Variants in ST7 observed in about 807,000 individuals in gnomAD.
ST7 encodes suppressor of tumorigenicity 7 protein.
Under a neutral mutation model 78.7 loss-of-function variants are expected in ST7, and 28 were observed. That is an observed-to-expected ratio of 0.36 (90% CI 0.26 to 0.49). The LOEUF (loss-of-function observed/expected upper bound fraction) is 0.49, where lower values mean the gene tolerates loss of function less well. ST7 is among the 20% of genes least tolerant of loss of function. The pLI, the probability that ST7 is intolerant of heterozygous loss-of-function variation, is 0.99. For missense variants in ST7, 418 were observed against 696.0 expected (o/e 0.60, Z 4.49); for synonymous variants, 247 against 249.6 (o/e 0.99, Z 0.10).
At chr7:117,214,310 A>T (rs1469902705) in intron 13 of ST7, among the ~76,000 whole-genome samples, 2 of 152,082 alleles carry the variant, frequency 1.3e-5, no homozygotes, top group Non-Finnish European at 2.9e-5. Context: ...CAAAGAATCC[A>T]CTAAATAATG....
At chr7:117,210,790 C>T (rs893250872) in intron 13 of ST7, among the ~76,000 whole-genome samples, 1 of 152,170 alleles carries the variant, frequency 6.6e-6, no homozygotes, top group Non-Finnish European at 1.5e-5. Context: ...AAAGTCAAGA[C>T]TATGAATTAT....
At chr7:117,071,557 A>G (rs1442471329) in intron 1 of ST7, among the ~76,000 whole-genome samples, 1 of 152,246 alleles carries the variant, frequency 6.6e-6, no homozygotes, top group East Asian at 1.9e-4. Flanking sequence ...TGCCAAAGTA[A>G]GATATTTGAT....
intron 1 of ST7, among the ~76,000 whole-genome samples, chr7:117,030,757 C>T (rs780666719): frequency 3.9e-5 from 6 of 152,094 alleles, no homozygotes; most frequent in Non-Finnish European, 8.8e-5. Flanking sequence ...ATTAGTTCAG[C>T]CATTGTGGAA....
intron 12 of ST7, among the ~76,000 whole-genome samples, chr7:117,209,358 G>GA (rs1792095586): frequency 6.6e-6 from 1 of 152,134 alleles, no homozygotes; most frequent in Admixed American, 6.5e-5. Flanking sequence ...CATGTGTATA[G>GA]AAAAAAATAA....
At chr7:117,020,663 G>T in intron 1 of ST7, 1 of 1,550,306 alleles carries the variant, frequency 6.5e-7, no homozygotes, top group Non-Finnish European at 8.7e-7. Context: ...CTGCTATTTA[G>T]AAATCTGCTT....
chr7:117,121,687 T>C (rs1803376746), intron 3 of ST7, among the ~76,000 whole-genome samples: 1 of 152,214 alleles, frequency 6.6e-6, no homozygotes, highest in Admixed American at 6.5e-5. Context: ...CTTAGATTTG[T>C]ATGTTTTCCT....
At chr7:117,115,357 T>A (rs1584702232) in intron 2 of ST7, among the ~76,000 whole-genome samples, 1 of 150,414 alleles carries the variant, frequency 6.6e-6, no homozygotes, top group African/African-American at 2.4e-5. Flanking sequence ...AGGTTACTTT[T>A]TTTTTTTTTT....
chr7:117,223,046 C>G, intron 15 of ST7: 1 of 1,147,422 alleles, frequency 8.7e-7, no homozygotes, highest in Non-Finnish European at 1.3e-6. Context: ...CCTCCGCCAT[C>G]CACCCCGTTG....
intron 1 of ST7, among the ~76,000 whole-genome samples, chr7:117,086,442 T>C (rs1207943462): frequency 6.6e-6 from 1 of 152,216 alleles, no homozygotes; most frequent in Non-Finnish European, 1.5e-5. Flanking sequence ...AGACAATTGC[T>C]AATTAAAAAC....
At chr7:116,959,960 G>A (rs954027502) in intron 1 of ST7, 3 of 154,078 alleles carry the variant, frequency 1.9e-5, no homozygotes, top group African/African-American at 7.2e-5. Flanking sequence ...TGGACTTAAT[G>A]AGTATACATG....
intron 14 of ST7, among the ~76,000 whole-genome samples, chr7:117,220,023 C>T (rs887102992): frequency 7.9e-5 from 12 of 152,188 alleles, no homozygotes; most frequent in African/African-American, 2.9e-4. Flanking sequence ...TCTCCCTTCT[C>T]TGTCCTCTCT....
At position 117,082,972 on chromosome 7, in the gene ST7, G is replaced by T. The variant is rs1425980090; in HGVS notation, c.152-16790G>T. ...CTGTTTGTAATACCATACATATCTA[G>T]TGACAGGATGTATTTCAGCACAGTT... is the stretch of plus-strand genomic sequence containing the variant. On this transcript the variant is annotated intron_variant, in intron 1 of 15. Transcript: ENST00000323984. 2.0e-5 allele frequency among the ~76,000 whole-genome samples: 3 copies of T among 152,330 alleles called. No homozygotes were observed. The East Asian group carries it at 5.8e-4, about 29-fold the overall frequency.
At chr7:117,040,981 C>T (rs1389321223) in intron 1 of ST7, among the ~76,000 whole-genome samples, 3 of 152,276 alleles carry the variant, frequency 2.0e-5, no homozygotes, top group African/African-American at 7.2e-5. Flanking sequence ...TCACTATCTA[C>T]CCCTTTGCTT....
intron 2 of ST7, among the ~76,000 whole-genome samples, chr7:117,116,661 G>A (rs899424997): frequency 1.3e-5 from 2 of 152,144 alleles, no homozygotes; most frequent in Non-Finnish European, 2.9e-5. Flanking sequence ...ACACAGCAGA[G>A]GTCCATCTTT....
intron 13 of ST7, among the ~76,000 whole-genome samples, chr7:117,218,400 G>A (rs189886670): frequency 2.5e-4 from 38 of 152,258 alleles, no homozygotes; most frequent in Non-Finnish European, 3.7e-4. Flanking sequence ...TTGGAAAGCC[G>A]TAATTCAGTG....
intron 15 of ST7, chr7:117,223,228 AG>A (rs1793225539): frequency 3.9e-6 from 2 of 510,744 alleles, no homozygotes; most frequent in Non-Finnish European, 7.1e-6. Context: ...CTCTTAGTCT[AG>A]GTCCTTGTTG....
intron 1 of ST7, among the ~76,000 whole-genome samples, chr7:116,998,472 C>G (rs1299134667): frequency 6.6e-6 from 1 of 152,236 alleles, no homozygotes; most frequent in Admixed American, 6.5e-5. Flanking sequence ...TGAAGGGCCC[C>G]TCAAGCGCGG....
intron 1 of ST7, among the ~76,000 whole-genome samples, chr7:116,967,811 G>A (rs1277939727): frequency 6.6e-6 from 1 of 152,130 alleles, no homozygotes; most frequent in Non-Finnish European, 1.5e-5. Flanking sequence ...TATTGACTTT[G>A]TTTTGTACTT....
At chr7:116,987,281 C>T (rs1218135317) in intron 1 of ST7, among the ~76,000 whole-genome samples, 1 of 152,172 alleles carries the variant, frequency 6.6e-6, no homozygotes, top group Non-Finnish European at 1.5e-5. Flanking sequence ...AAGTATCTAA[C>T]TGGGTTCTGG....
Sources: allele counts gnomAD v4.1 joint callset (sites outside exome capture counted in the v4.1 genomes callset), GRCh38; gene constraint gnomAD v4.1.1; transcripts MANE v1.5; gene names NCBI Gene and HGNC (gene_info 2026-07-23, HGNC 2026-07-21).